PLEKHH1: variants seen among roughly 807,000 people sequenced by gnomAD.
PLEKHH1 encodes pleckstrin homology, MyTH4 and FERM domain containing H1, also known as pleckstrin homology domain-containing family H member 1.
Under a neutral mutation model 160.0 loss-of-function variants are expected in PLEKHH1, and 104 were observed. That is an observed-to-expected ratio of 0.65 (90% confidence interval 0.55 to 0.76). The LOEUF is 0.76. PLEKHH1 is among the 30% of genes least tolerant of loss of function. The probability of loss-of-function intolerance (pLI) is 0.00; values close to 1 mark genes in which losing one functional copy is unlikely to be tolerated. For missense variants in PLEKHH1, 1,427 were observed against 1,724.1 expected (o/e 0.83, Z 3.05); for synonymous variants, 619 against 678.4 (o/e 0.91, Z 1.36).
chr14:67,547,697 ACCTG>A lies in PLEKHH1; in HGVS notation c.126+5709_126+5712del, dbSNP rs556518297. On this transcript the variant is annotated intron_variant, in intron 2 of 28. Transcript: ENST00000329153. ...GGGGACCATCTCTGCTTAGGATCAGACCTGCCTGTGGGCTGCGGAGGCTTGGAAG... is the reference window on the plus strand; with the variant it reads ...GGGGACCATCTCTGCTTAGGATCAGACCTGTGGGCTGCGGAGGCTTGGAAG... 3.9e-5 allele frequency among the ~76,000 whole-genome samples: 6 copies of A among 152,258 alleles called. No individual in the cohort carries two copies. In the South Asian group the frequency reaches 1.2e-3, roughly 32 times the overall value.
chr14:67,570,062 G>A, intron 9 of PLEKHH1, 50 bp downstream of exon 9: 1 of 1,239,374 alleles, frequency 8.1e-7, no homozygotes, highest in Non-Finnish European at 1.2e-6. Flanking sequence ...AAAGGCCCCT[G>A]GCCTCATCAT....
chr14:67,534,593 G>A (rs372430420), intron 1 of PLEKHH1, among the ~76,000 whole-genome samples: 5 of 151,986 alleles, frequency 3.3e-5, no homozygotes, highest in South Asian at 2.1e-4. Flanking sequence ...AATTCCTAAC[G>A]TATGGTTCAG....
In PLEKHH1 at chr14:67,588,921, T is replaced by G. The variant is rs1334929265; in HGVS notation, c.*1686T>G. 1 of 152,632 alleles carries G rather than the reference T, an allele frequency of 6.6e-6. No individual in the cohort carries two copies. Among genetic ancestry groups the G allele is most frequent in the Non-Finnish European group, 1.5e-5 (1 of 68,034 alleles). The allele number at this position is 152,632 out of a possible 1,614,324, so 9.5% of individuals were successfully genotyped here. On this transcript the variant is annotated 3_prime_UTR_variant, in exon 29 of 29. Coordinates refer to ENST00000329153, the MANE Select transcript of PLEKHH1 (RefSeq NM_020715.3). ...CATCCAAGTTTCTGCCTCTTTTAAATGTACTTGACTTTGCAAGGCAAGTAG... is the reference window on the plus strand; with the variant it reads ...CATCCAAGTTTCTGCCTCTTTTAAAGGTACTTGACTTTGCAAGGCAAGTAG...
intron 24 of PLEKHH1, among the ~76,000 whole-genome samples, chr14:67,583,440 C>A (rs1199181596): frequency 6.6e-6 from 1 of 152,108 alleles, no homozygotes; most frequent in African/African-American, 2.4e-5. Context: ...GGACTGGAAG[C>A]CAGAATTTCC....
chr14:67,562,112 G>T (rs1246604103), intron 6 of PLEKHH1, 25 bp from the exon 7 acceptor site: 1 of 1,611,546 alleles, frequency 6.2e-7, no homozygotes. Context: ...AGCTCTCAAT[G>T]TGACTGTTTT....
At chr14:67,537,346 A>T (rs369391214) in intron 1 of PLEKHH1, among the ~76,000 whole-genome samples, 4 of 126,602 alleles carry the variant, frequency 3.2e-5, no homozygotes, top group South Asian at 2.6e-4. Flanking sequence ...TCCATCTCAA[A>T]AATAATAATA....
In PLEKHH1 at chr14:67,585,964, C is replaced by T. The variant is rs773953790; in HGVS notation, c.3800C>T (p.Thr1267Ile). ...TCCTTTCCACAGCAAGTGCACATCA[C>T]TTACCCCTACTCTTCAGTGACAACG... is the stretch of plus-strand genomic sequence containing the variant. ...LDHNTMQVHI[T>I]YPYSSVTTFG... The change falls in exon 28 of 29, where the codon ACT (threonine) becomes ATT (isoleucine). Residue 1267 changes from threonine (T) to isoleucine (I), a missense_variant. Around this residue, in one of 6 missense-constraint regions of PLEKHH1, gnomAD observed 56 missense variants for 53.0 expected, o/e 1.06. Coordinates refer to ENST00000329153, the MANE Select transcript of PLEKHH1 (RefSeq NM_020715.3). The T allele has an allele frequency of 6.2e-7, 1 of 1,613,218 alleles. No homozygotes were observed.
Position 67,562,143 on chromosome 14 carries a change from A to G in PLEKHH1, c.512A>G (p.Gln171Arg). The change falls in exon 7 of 29, where the codon CAG becomes CGG. Residue 171 changes from glutamine to arginine, a missense_variant. Coordinates refer to ENST00000329153, the MANE Select transcript of PLEKHH1 (RefSeq NM_020715.3). ...GTTTTTACCCGAATCACAGCTATTC[A>G]GATAGCTCCTTCACGGAAGCTGCTG... is the stretch of plus-strand genomic sequence containing the variant. ...GSLQDALEAI[Q>R]IAPSRKLLVP... 4 of 1,611,356 alleles carry G rather than the reference A, an allele frequency of 2.5e-6. No homozygotes were observed. The highest frequency in any genetic ancestry group is 3.4e-6 in the Non-Finnish European group (4 of 1,178,094).
intron 2 of PLEKHH1, among the ~76,000 whole-genome samples, chr14:67,550,691 A>T (rs1470656187): frequency 6.6e-6 from 1 of 152,182 alleles, no homozygotes; most frequent in Non-Finnish European, 1.5e-5. Flanking sequence ...AGATCTTTTG[A>T]TTTTTTAAGA....
At chr14:67,579,544 A>C in intron 21 of PLEKHH1, 177 bp from the exon 22 acceptor site, 4 of 669,126 alleles carry the variant, frequency 6.0e-6, no homozygotes. Flanking sequence ...TTTACAGTGG[A>C]TAAGCTCACA....
At chr14:67,554,992 A>T (rs1393333093) in intron 2 of PLEKHH1, among the ~76,000 whole-genome samples, 1 of 152,106 alleles carries the variant, frequency 6.6e-6, no homozygotes, top group African/African-American at 2.4e-5. Flanking sequence ...AGCTCACTAC[A>T]GCTTCAACCT....
chr14:67,562,056 A>C lies in PLEKHH1; in HGVS notation c.505+21A>C, dbSNP rs970971397. 39 of 1,611,514 alleles carry C rather than the reference A, an allele frequency of 2.4e-5. No homozygotes were observed. In the Admixed American group the frequency reaches 4.8e-4, roughly 20 times the overall value. On this transcript the variant is annotated intron_variant, in intron 6 of 28. Transcript: ENST00000329153. Reference sequence around the variant, plus strand: ...AGAAGGTAGGCAGGCCAGGGTGTGCAGGTGTGCAGTACGTGTGTTTGGTGG... The same window carrying C: ...AGAAGGTAGGCAGGCCAGGGTGTGCCGGTGTGCAGTACGTGTGTTTGGTGG...
chr14:67,581,182 C>A, intron 23 of PLEKHH1, 144 bp downstream of exon 23: 2 of 621,418 alleles, frequency 3.2e-6, no homozygotes, highest in South Asian at 3.8e-5. Flanking sequence ...AGCTGGGGTG[C>A]AGGCGGGCTC....
chr14:67,584,562 C>G (rs1336438716), intron 26 of PLEKHH1, among the ~76,000 whole-genome samples: 1 of 152,248 alleles, frequency 6.6e-6, no homozygotes, highest in Non-Finnish European at 1.5e-5. Flanking sequence ...TCAGAAGGAA[C>G]TTTTCTTCAC....
chr14:67,542,075 C>T lies in PLEKHH1; in HGVS notation c.126+82C>T, dbSNP rs3742866. 4.3e-5 allele frequency: 56 copies of T among 1,303,168 alleles called. No individual in the cohort carries two copies. In the African/African-American group the frequency reaches 7.6e-4, roughly 18 times the overall value. The allele number at this position is 1,303,168 out of a possible 1,614,324, so 80.7% of individuals were successfully genotyped here. Reference sequence around the variant, plus strand: ...GGGCCGTGTGAGAGAGGGAGAGTTGCGGAAAGTCAACTTTCAGTAAGATGC... The same window carrying T: ...GGGCCGTGTGAGAGAGGGAGAGTTGTGGAAAGTCAACTTTCAGTAAGATGC... On this transcript the variant is annotated intron_variant, in intron 2 of 28. Coordinates refer to ENST00000329153, the MANE Select transcript of PLEKHH1 (RefSeq NM_020715.3).
Position 67,576,638 on chromosome 14 carries a change from A to G in PLEKHH1, c.2461+135A>G. 1 of 543,976 alleles carries G rather than the reference A, an allele frequency of 1.8e-6. No homozygotes were observed. 33.7% of individuals were successfully genotyped at this position (543,976 alleles called of 1,614,324 possible). ...TCTAAGCCACAGAGGGGAAGTTCCC[A>G]TCCAAGCTCCAGGGCCCCTCTGTCT... is the stretch of plus-strand genomic sequence containing the variant. On this transcript the variant is annotated intron_variant, in intron 17 of 28. Transcript: ENST00000329153. The surrounding 1 kb of genome is among the most constrained non-coding windows in gnomAD (Gnocchi z 4.0).
chr14:67,562,841 G>C lies in PLEKHH1; in HGVS notation c.1210G>C (p.Val404Leu). ...GGCCCTTGGAGCTGAGCTGGAGGAA[G>C]TGGAGCTGGGTAACAAGCCACCTAC... is the stretch of plus-strand genomic sequence containing the variant. Reference protein sequence around the residue: ...PKALGAELEEVELGNKPPTPP... With the variant: ...PKALGAELEELELGNKPPTPP... The change falls in exon 7 of 29, where the codon GTG becomes CTG. Residue 404 changes from valine (V) to leucine (L), a missense_variant. Val to Leu is a conservative substitution (Grantham distance 32). Around this residue, in one of 6 missense-constraint regions of PLEKHH1, gnomAD observed 831 missense variants for 929.2 expected, o/e 0.89. Transcript: ENST00000329153. The C allele has an allele frequency of 1.2e-6, 2 of 1,613,696 alleles. No individual in the cohort carries two copies. Among genetic ancestry groups the C allele is most frequent in the Non-Finnish European group, 1.7e-6 (2 of 1,179,824 alleles).
Position 67,571,897 on chromosome 14 carries a change from A to G in PLEKHH1, c.1580A>G (p.Lys527Arg), listed in dbSNP as rs749923100. Reference protein sequence around the residue: ...TSGLGSPRAIKRGVSMSSLSS... With the variant: ...TSGLGSPRAIRRGVSMSSLSS... ...GGACTAGGCAGCCCCCGGGCCATCA[A>G]GAGAGGTACAGAGAAGGGGAGCAGG... The change falls in exon 10 of 29, where the codon AAG (lysine) becomes AGG (arginine). Residue 527 changes from lysine to arginine, a missense_variant. By Grantham distance (26) the Lys-to-Arg change is conservative. Transcript: ENST00000329153. The G allele has an allele frequency of 6.7e-5, 108 of 1,606,756 alleles. No individual in the cohort carries two copies. The highest frequency in any genetic ancestry group is 8.8e-5 in the Non-Finnish European group (103 of 1,176,506).
chr14:67,566,020 G>T (rs2035072316), intron 7 of PLEKHH1, among the ~76,000 whole-genome samples: 1 of 152,214 alleles, frequency 6.6e-6, no homozygotes, highest in Non-Finnish European at 1.5e-5. Flanking sequence ...TCGGGAGCCT[G>T]AGGCAGTAGA....
Sources: allele counts gnomAD v4.1 joint callset (sites outside exome capture counted in the v4.1 genomes callset), GRCh38; gene constraint gnomAD v4.1.1; regional missense constraint gnomAD v4.1.1; non-coding constraint Gnocchi (gnomAD v3.1); transcripts MANE v1.5; gene names NCBI Gene and HGNC (gene_info 2026-07-23, HGNC 2026-07-21).